Variants in UBE2E1 observed in about 807,000 individuals in gnomAD.
UBE2E1 encodes the protein ubiquitin-conjugating enzyme E2 E1.
UBE2E1 carries 6 observed loss-of-function variants against 21.4 expected under a neutral mutation model. That is an observed-to-expected ratio of 0.28 (90% CI 0.15 to 0.55). The LOEUF (loss-of-function observed/expected upper bound fraction) is 0.55. Ranked by LOEUF, UBE2E1 falls within the 20% of genes least tolerant of loss-of-function variation. The probability of loss-of-function intolerance (pLI) is 0.93; values close to 1 mark genes in which losing one functional copy is unlikely to be tolerated. For synonymous variants in UBE2E1, 87 were observed against 82.7 expected (o/e 1.05, Z -0.28); for missense variants, 142 against 236.5 (o/e 0.60, Z 2.62).
chr3:23,807,963 C>G (rs1699313449), intron 2 of UBE2E1: 1 of 152,196 alleles, frequency 6.6e-6, no homozygotes, highest in African/African-American at 2.4e-5. Context: ...AGAGATTTTT[C>G]TGAGAGTTGA....
At chr3:23,888,142 AG>A in intron 4 of UBE2E1, 1 of 449,308 alleles carries the variant, frequency 2.2e-6, no homozygotes, top group Non-Finnish European at 4.5e-6. Context: ...AGGGCAGGTC[AG>A]GGGGCCAAAC....
At chr3:23,830,537 A>G (rs575892239) in intron 3 of UBE2E1, among the ~76,000 whole-genome samples, 5 of 152,236 alleles carry the variant, frequency 3.3e-5, no homozygotes, top group South Asian at 2.1e-4. Flanking sequence ...GTGTGACTCA[A>G]TATTGGGGTG....
chr3:23,825,464 C>T (rs1319906630), intron 3 of UBE2E1, among the ~76,000 whole-genome samples: 1 of 152,210 alleles, frequency 6.6e-6, no homozygotes, highest in East Asian at 1.9e-4. Flanking sequence ...AAAAAAGACA[C>T]TGTCTCTGTG....
In UBE2E1 at chr3:23,863,040, ATTTC is replaced by A. The variant is rs1266651383; in HGVS notation, c.204-24523_204-24520del. ...ACTAACATAGTTTAAAGGCTTTAAT[ATTTC>A]TTTGTTTGTTAAAAAAAAAAAAAAA... is the stretch of plus-strand genomic sequence containing the variant. On this transcript the variant is annotated intron_variant, in intron 3 of 5. Coordinates refer to ENST00000306627, the MANE Select transcript of UBE2E1 (RefSeq NM_003341.5). The surrounding 1 kb of genome is among the most constrained non-coding windows in gnomAD (Gnocchi z 4.3). 3.2e-5 allele frequency among the ~76,000 whole-genome samples: 4 copies of A among 126,106 alleles called. No homozygotes were observed. Among genetic ancestry groups the A allele is most frequent in the Non-Finnish European group, 4.9e-5 (3 of 61,120 alleles). The allele number at this position is 126,106 out of a possible 152,430, so 82.7% of individuals were successfully genotyped here. A position where few individuals can be genotyped will look rare whatever the true frequency, so the allele number is the denominator to read the frequency against.
Position 23,854,722 on chromosome 3 carries a change from T to G in UBE2E1, c.204-32845T>G, listed in dbSNP as rs145037223. ...AGGACAATAACTTTTGTGTGTGCTC[T>G]TGGAAGTAGCAGCTCCTTGTGGCTT... is the stretch of plus-strand genomic sequence containing the variant. On this transcript the variant is annotated intron_variant, in intron 3 of 5. Coordinates refer to ENST00000306627, the MANE Select transcript of UBE2E1 (RefSeq NM_003341.5). Among the ~76,000 whole-genome samples, 357 of 152,366 alleles carry G rather than the reference T, an allele frequency of 2.3e-3. 1 individual carries two copies. The highest frequency in any genetic ancestry group is 4.3e-3 in the Non-Finnish European group (291 of 68,034).
Position 23,810,320 on chromosome 3 carries a change from G to C in UBE2E1, c.153-1140G>C, listed in dbSNP as rs1699356636. 4 of 966,040 alleles carry C rather than the reference G, an allele frequency of 4.1e-6. No homozygotes were observed. In the East Asian group the frequency reaches 8.1e-5, roughly 19 times the overall value. The allele number at this position is 966,040 out of a possible 1,614,324, so 59.8% of individuals were successfully genotyped here. A position where few individuals can be genotyped will look rare whatever the true frequency, so the allele number is the denominator to read the frequency against. On this transcript the variant is annotated intron_variant, in intron 2 of 5. Transcript: ENST00000306627. The surrounding 1 kb of genome is among the most constrained non-coding windows in gnomAD (Gnocchi z 5.8). ...TATTAATTGATGCTCTAAGTGCCTAGGTAAGCAAAAGACAAAGGCCAGGGC... is the reference window on the plus strand; with the variant it reads ...TATTAATTGATGCTCTAAGTGCCTACGTAAGCAAAAGACAAAGGCCAGGGC...
rs1049537279 is a variant in UBE2E1 at position 23,806,488 on chromosome 3, T to A, written c.-34+400T>A. 6.6e-6 allele frequency among the ~76,000 whole-genome samples: 1 copy of A among 151,716 alleles called. No individual in the cohort carries two copies. The highest frequency in any genetic ancestry group is 1.5e-5 in the Non-Finnish European group (1 of 67,830). On this transcript the variant is annotated intron_variant, in intron 1 of 5. Coordinates refer to ENST00000306627, the MANE Select transcript of UBE2E1 (RefSeq NM_003341.5). This position sits in a 1 kb window ranked among gnomAD's most constrained non-coding sequence, Gnocchi z 6.5. The stretch of plus-strand genomic sequence containing the variant: ...TCCGGGGCGGAAGGGCTCATTGTTA[T>A]GTCTTCGCTGCGGAGGCCGACCCCC...
intron 3 of UBE2E1, among the ~76,000 whole-genome samples, chr3:23,847,533 C>T (rs1173280242): frequency 2.5e-5 from 3 of 118,716 alleles, no homozygotes; most frequent in Non-Finnish European, 4.9e-5. Context: ...CTCGCTCTGT[C>T]ACCCAGGCTG....
intron 3 of UBE2E1, among the ~76,000 whole-genome samples, chr3:23,840,305 A>G (rs2125299761): frequency 6.6e-6 from 1 of 152,284 alleles, no homozygotes; most frequent in South Asian, 2.1e-4. Flanking sequence ...TTTTTACCTT[A>G]TATTTTCAAG....
rs187399870 is a variant in UBE2E1 at position 23,823,387 on chromosome 3, C to G, written c.203+11877C>G. Among the ~76,000 whole-genome samples, 1 of 152,306 alleles carries G rather than the reference C, an allele frequency of 6.6e-6. No individual in the cohort carries two copies. Among genetic ancestry groups the G allele is most frequent in the East Asian group, 1.9e-4 (1 of 5,184 alleles). On this transcript the variant is annotated intron_variant, in intron 3 of 5. Coordinates refer to ENST00000306627, the MANE Select transcript of UBE2E1 (RefSeq NM_003341.5). The surrounding 1 kb of genome is among the most constrained non-coding windows in gnomAD (Gnocchi z 4.2). ...TTCAGAGAGTAATTAGTTGGAATCA[C>G]AAAAGCATTAGGTGCTGAACTGCCA... is the stretch of plus-strand genomic sequence containing the variant.
intron 3 of UBE2E1, among the ~76,000 whole-genome samples, chr3:23,840,328 C>T (rs952977603): frequency 1.3e-5 from 2 of 152,260 alleles, no homozygotes; most frequent in East Asian, 1.9e-4. Flanking sequence ...CCTGCACATG[C>T]GTGATAATTT....
rs775512424 is a variant in UBE2E1 at position 23,810,557 on chromosome 3, C to CCAGCGTGCGGGGCGGAGG, written c.153-899_153-882dup. The CCAGCGTGCGGGGCGGAGG allele has an allele frequency of 1.3e-4, 199 of 1,527,570 alleles. 1 individual carries two copies. The South Asian group carries it at 2.2e-3, about 17-fold the overall frequency. 94.6% of individuals were successfully genotyped at this position (1,527,570 alleles called of 1,614,324 possible). ...CGGGGAGGTGGGCCGAGAGTCCCGG[C>CCAGCGTGCGGGGCGGAGG]CAGCGTGCGGGGCGGAGGCAGGGTC... On this transcript the variant is annotated intron_variant, in intron 2 of 5. Coordinates refer to ENST00000306627, the MANE Select transcript of UBE2E1 (RefSeq NM_003341.5). The surrounding 1 kb of genome is among the most constrained non-coding windows in gnomAD (Gnocchi z 5.8).
chr3:23,872,129 G>A (rs1363396521), intron 3 of UBE2E1, among the ~76,000 whole-genome samples: 3 of 152,166 alleles, frequency 2.0e-5, no homozygotes, highest in African/African-American at 7.2e-5. Flanking sequence ...CCGGCACCTC[G>A]GGAGGCCGAG....
chr3:23,884,391 G>A (rs1438904258), intron 3 of UBE2E1, among the ~76,000 whole-genome samples: 1 of 152,136 alleles, frequency 6.6e-6, no homozygotes, highest in Non-Finnish European at 1.5e-5. Context: ...CTGCTTAAAG[G>A]TCATTGTTGT....
intron 3 of UBE2E1, among the ~76,000 whole-genome samples, chr3:23,815,360 A>G (rs1575801947): frequency 1.3e-5 from 2 of 152,210 alleles, no homozygotes; most frequent in East Asian, 3.9e-4. Context: ...AACACTGCCT[A>G]TATTTTAAAT....
intron 3 of UBE2E1, among the ~76,000 whole-genome samples, chr3:23,838,422 C>T (rs1398639633): frequency 2.6e-5 from 4 of 152,094 alleles, no homozygotes; most frequent in Non-Finnish European, 5.9e-5. Flanking sequence ...TCCAATCTGA[C>T]AATCTTTGCT....
chr3:23,807,615 A>G, intron 2 of UBE2E1, 194 bp downstream of exon 2: 1 of 601,580 alleles, frequency 1.7e-6, no homozygotes, highest in Non-Finnish European at 2.5e-6. Flanking sequence ...GCTCACATGC[A>G]GCTGTTGCGG....
Position 23,848,490 on chromosome 3 carries a change from C to A in UBE2E1, c.203+36980C>A, listed in dbSNP as rs868403950. ...GTCTCAAAAAAAAAAAAACAAAAAA[C>A]AAAAAACTTTAGCTAAGCAGGTACT... is the stretch of plus-strand genomic sequence containing the variant. On this transcript the variant is annotated intron_variant, in intron 3 of 5. Transcript: ENST00000306627. Among the ~76,000 whole-genome samples the A allele has an allele frequency of 6.9e-4, 103 of 150,010 alleles. 1 individual carries two copies. The South Asian group carries it at 0.014, about 20-fold the overall frequency.
rs1447072114 is a variant in UBE2E1, at chr3:23,842,315, C to T, written c.203+30805C>T. Among the ~76,000 whole-genome samples the T allele has an allele frequency of 2.7e-5, 4 of 149,980 alleles. No homozygotes were observed. The highest frequency in any genetic ancestry group is 7.4e-5 in the African/African-American group (3 of 40,708). On this transcript the variant is annotated intron_variant, in intron 3 of 5. Coordinates refer to ENST00000306627, the MANE Select transcript of UBE2E1 (RefSeq NM_003341.5). The surrounding 1 kb of genome is among the most constrained non-coding windows in gnomAD (Gnocchi z 4.6). ...AGGCTGGGATGCAGTGGTGCAGTCA[C>T]GACTCACTGCAGCCTCAACCTCATG...
Sources: allele counts gnomAD v4.1 joint callset (sites outside exome capture counted in the v4.1 genomes callset), GRCh38; gene constraint gnomAD v4.1.1; non-coding constraint Gnocchi (gnomAD v3.1); transcripts MANE v1.5; gene names NCBI Gene and HGNC (gene_info 2026-07-23, HGNC 2026-07-21).